The following U2AF1 variants were observed in gnomAD, a reference collection of about 807,000 sequenced individuals.
The protein encoded by U2AF1 is splicing factor U2AF 35 kDa subunit.
For synonymous variants in U2AF1, 8 were observed against 27.2 expected, an observed-to-expected ratio of 0.29 and a Z score of 2.20; for missense variants, 4 against 75.9, an observed-to-expected ratio of 0.05 and a Z score of 3.52.
rs1984213407 is a variant in U2AF1, at chr21:43,094,581, G to A, written c.483-18C>T. The A allele has an allele frequency of 4.2e-6, 2 of 472,040 alleles. No individual in the cohort carries two copies. Among genetic ancestry groups the A allele is most frequent in the East Asian group, 5.7e-5 (2 of 35,088 alleles). 29.2% of individuals were successfully genotyped at this position (472,040 alleles called of 1,614,324 possible). On this transcript the variant is annotated intron_variant, in intron 6 of 7. Coordinates refer to ENST00000291552, the MANE Select transcript of U2AF1 (RefSeq NM_006758.3). ...TGCATTCTCTGTGGGTGGGTTGGAAGGAGACATTTACTACCTCGTGTGCAC... is the reference window on the plus strand; with the variant it reads ...TGCATTCTCTGTGGGTGGGTTGGAAAGAGACATTTACTACCTCGTGTGCAC...
At position 43,094,949 on chromosome 21, in the gene U2AF1, C is replaced by G. The variant is rs1240953953; in HGVS notation, c.349-161G>C. ...AATCCTTTATTTTCAATGAGATTAA[C>G]TTCAAGATAGTCCAAGATTTTGCCA... On this transcript the variant is annotated intron_variant, in intron 5 of 7. Transcript: ENST00000291552. The G allele has an allele frequency of 2.2e-5, 6 of 278,358 alleles. 1 individual carries two copies. The highest frequency in any genetic ancestry group is 6.4e-6 in the Non-Finnish European group (1 of 156,698). 17.2% of individuals were successfully genotyped at this position (278,358 alleles called of 1,614,324 possible).
chr21:43,095,206 T>G (rs1484798953), intron 5 of U2AF1: 2 of 410,744 alleles, frequency 4.9e-6, no homozygotes, highest in South Asian at 2.6e-5. Context: ...GGCGCACGTG[T>G]GGGCTGGCCA....
rs2146454853 is a variant in U2AF1, at chr21:43,094,820, C to G, written c.349-32G>C. The G allele has an allele frequency of 3.2e-6, 3 of 930,608 alleles. 1 individual carries two copies. Among genetic ancestry groups the G allele is most frequent in the Non-Finnish European group, 4.6e-6 (3 of 653,776 alleles). 57.6% of individuals were successfully genotyped at this position (930,608 alleles called of 1,614,324 possible). ...AGACAAAAACAGAAGTGCTTGCCATCCACGCTTTAATAAGACTTTCTCAAT... is the reference window on the plus strand; with the variant it reads ...AGACAAAAACAGAAGTGCTTGCCATGCACGCTTTAATAAGACTTTCTCAAT... On this transcript the variant is annotated intron_variant, in intron 5 of 7. Transcript: ENST00000291552.
rs1195148372 is a variant in U2AF1 at position 43,095,504 on chromosome 21, C to T, written c.282G>A (p.Gly94=). The T allele has an allele frequency of 1.1e-6, 1 of 876,868 alleles. No individual in the cohort carries two copies. The highest frequency in any genetic ancestry group is 1.4e-5 in the South Asian group (1 of 70,178). 54.3% of individuals were successfully genotyped at this position (876,868 alleles called of 1,614,324 possible). The change falls in exon 5 of 8, where the codon GGG becomes GGA. Residue 94 remains glycine, a synonymous_variant. Coordinates refer to ENST00000291552, the MANE Select transcript of U2AF1 (RefSeq NM_006758.3). ...EVFTEMEEKY[G]EVEEMNVCDN... is the part of the protein sequence containing the mutation. ...CACAGACGTTCATCTCCTCTACTTC[C>T]CCATACTTCTCCTCCATTTCTGTAA... is the stretch of plus-strand genomic sequence containing the variant.
rs752093765 is a variant in U2AF1, at chr21:43,107,515, TGCCGTCGACACTGCTGCCGAC to T, written c.-42_-22del. ...GCCATTTCCCACCCGCCGCCGCCGC[TGCCGTCGACACTGCTGCCGAC>T]GCCGCCGACCCTGCCGACGCCCTCG... On this transcript the variant is annotated 5_prime_UTR_variant, in exon 1 of 8. Transcript: ENST00000291552. 5 of 907,902 alleles carry T rather than the reference TGCCGTCGACACTGCTGCCGAC, an allele frequency of 5.5e-6. 1 individual carries two copies. The highest frequency in any genetic ancestry group is 9.1e-5 in the Admixed American group (2 of 21,984). The allele number at this position is 907,902 out of a possible 1,614,324, so 56.2% of individuals were successfully genotyped here.
chr21:43,095,168 A>ACGGT (rs1262987881), intron 5 of U2AF1: 1 of 346,068 alleles, frequency 2.9e-6, no homozygotes. Flanking sequence ...GCTGTGGTGT[A>ACGGT]CGGTCCGTCC....
Position 43,095,275 on chromosome 21 carries a change from G to A in U2AF1, c.348+163C>T, listed in dbSNP as rs752896761. ...CCAGTGCACCTGAGCCCTGCTGTGC[G>A]CCTGAGCATCCAGGATCTCAAGGTG... On this transcript the variant is annotated intron_variant, in intron 5 of 7. Coordinates refer to ENST00000291552, the MANE Select transcript of U2AF1 (RefSeq NM_006758.3). 3.5e-5 allele frequency: 16 copies of A among 451,952 alleles called. 4 individuals are homozygous for A. The highest frequency in any genetic ancestry group is 7.0e-5 in the South Asian group (3 of 43,088). The allele number at this position is 451,952 out of a possible 1,614,324, so 28.0% of individuals were successfully genotyped here.
At position 43,095,282 on chromosome 21, in the gene U2AF1, C is replaced by G. The variant is rs1279992658; in HGVS notation, c.348+156G>C. 4.4e-6 allele frequency: 2 copies of G among 454,494 alleles called. 1 individual carries two copies. 28.2% of individuals were successfully genotyped at this position (454,494 alleles called of 1,614,324 possible). A position where few individuals can be genotyped will look rare whatever the true frequency, so the allele number is the denominator to read the frequency against. On this transcript the variant is annotated intron_variant, in intron 5 of 7. Transcript: ENST00000291552. ...ACCTGAGCCCTGCTGTGCGCCTGAGCATCCAGGATCTCAAGGTGCATGGCG... is the reference window on the plus strand; with the variant it reads ...ACCTGAGCCCTGCTGTGCGCCTGAGGATCCAGGATCTCAAGGTGCATGGCG...
rs1984744340 is a variant in U2AF1 at position 43,105,400 on chromosome 21, T to C, written c.45-998A>G. 3 of 107,896 alleles carry C rather than the reference T, an allele frequency of 2.8e-5. 1 individual carries two copies. Among genetic ancestry groups the C allele is most frequent in the Admixed American group, 2.0e-4 (2 of 9,878 alleles). 6.7% of individuals were successfully genotyped at this position (107,896 alleles called of 1,614,324 possible). On this transcript the variant is annotated intron_variant, in intron 1 of 7. Transcript: ENST00000291552. ...AACCTCAGTGAAATCTAATGGACCA[T>C]GAAGACTGACTAGCCACTGATTTAT...
chr21:43,105,640 CA>C lies in U2AF1; in HGVS notation c.45-1239del, dbSNP rs541983260. On this transcript the variant is annotated intron_variant, in intron 1 of 7. Coordinates refer to ENST00000291552, the MANE Select transcript of U2AF1 (RefSeq NM_006758.3). ...ACAATTAATATCCAATTATTCCACA[CA>C]ATTAAACTACAGACAAGCTATTAGG... 2.7e-4 allele frequency: 5 copies of C among 18,208 alleles called. No individual in the cohort carries two copies. The East Asian group carries it at 2.8e-3, about 10-fold the overall frequency. The allele number at this position is 18,208 out of a possible 1,614,324, so 1.1% of individuals were successfully genotyped here. A position where few individuals can be genotyped will look rare whatever the true frequency, so the allele number is the denominator to read the frequency against.
intron 3 of U2AF1, chr21:43,097,618 T>A (rs1984384458): frequency 1.1e-5 from 1 of 89,214 alleles, no homozygotes; most frequent in East Asian, 2.2e-4. Flanking sequence ...AAACTCTTTT[T>A]ATCTTTTTTT....
intron 1 of U2AF1, among the ~76,000 whole-genome samples, chr21:43,107,050 CAGCCGAA>C (rs1428982845): frequency 1.2e-5 from 1 of 86,386 alleles, no homozygotes; most frequent in African/African-American, 5.3e-5. Flanking sequence ...AGGACATTCA[CAGCCGAA>C]AGTTGGAACA....
Sources: allele counts gnomAD v4.1 joint callset (sites outside exome capture counted in the v4.1 genomes callset), GRCh38; gene constraint gnomAD v4.1.1; transcripts MANE v1.5; gene names NCBI Gene and HGNC (gene_info 2026-07-23, HGNC 2026-07-21).